FMR1NB: variants seen among roughly 807,000 people sequenced by gnomAD.
FMR1NB encodes the protein FMR1 neighbor protein.
In FMR1NB, 10 loss-of-function variants were observed where a neutral mutation model predicts 16.8. The observed-to-expected ratio is 0.60, with a 90% CI of 0.37 to 1.01. The LOEUF (loss-of-function observed/expected upper bound fraction) is 1.01. Among genes scored for constraint, FMR1NB ranks in the 50% least tolerant of loss-of-function variants. FMR1NB has a pLI of 0.01. For missense variants in FMR1NB, 205 were observed against 204.8 expected (o/e 1.00, Z 0.00); for synonymous variants, 83 against 79.1 (o/e 1.05, Z -0.26).
Position 148,006,814 on chromosome X carries a change from C to T in FMR1NB, c.510C>T (p.Ser170=), listed in dbSNP as rs371265990. The part of the protein sequence containing the change: ...KCCFSSSGTT[S]FKCFAPFRDV... ...GTTTTTCATCATCGGGGACCACGAG[C>T]TTCAAATGTTTTGCTCCATTTAGAG... Residue 170 remains serine, a synonymous_variant, in exon 3 of 6, where the codon AGC becomes AGT. Coordinates refer to ENST00000370467, the MANE Select transcript of FMR1NB (RefSeq NM_152578.3). 7.4e-5 allele frequency: 89 copies of T among 1,208,342 alleles called. No homozygotes were observed. The highest frequency in any genetic ancestry group is 9.7e-5 in the Non-Finnish European group (87 of 894,632).
chrX:148,006,581 C>G lies in FMR1NB; in HGVS notation c.398-121C>G, dbSNP rs2044597326. 4.3e-6 allele frequency: 3 copies of G among 697,805 alleles called. No individual in the cohort carries two copies. The East Asian group carries it at 1.0e-4, about 24-fold the overall frequency. The allele number at this position is 697,805 out of a possible 1,213,427, so 57.5% of individuals were successfully genotyped here. ...AGTCTTATTTTCTTTTAGCACCCATCATTAGCTGTATATGCCATTAAATGT... is the reference window on the plus strand; with the variant it reads ...AGTCTTATTTTCTTTTAGCACCCATGATTAGCTGTATATGCCATTAAATGT... On this transcript the variant is annotated intron_variant, in intron 2 of 5. Transcript: ENST00000370467.
At chrX:147,993,419 C>T (rs902508319) in intron 1 of FMR1NB, among the ~76,000 whole-genome samples, 7 of 87,547 alleles carry the variant, frequency 8.0e-5, no homozygotes, top group African/African-American at 3.2e-4. Context: ...GGAGAGGGGC[C>T]TTCCTTCTTT....
At chrX:148,013,086 A>G (rs186296329) in intron 4 of FMR1NB, among the ~76,000 whole-genome samples, 18 of 111,607 alleles carry the variant, frequency 1.6e-4, no homozygotes, top group Admixed American at 2.8e-4. Flanking sequence ...ATGAGTCACT[A>G]TAGGTTTGAA....
chrX:148,020,766 A>G (rs1199135332), intron 4 of FMR1NB, among the ~76,000 whole-genome samples: 1 of 111,736 alleles, frequency 8.9e-6, no homozygotes, highest in Non-Finnish European at 1.9e-5. Context: ...TCCAAGATGT[A>G]AGACAAAGTC....
intron 1 of FMR1NB, among the ~76,000 whole-genome samples, chrX:147,989,999 C>A (rs1557187445): frequency 9.8e-6 from 1 of 102,128 alleles, no homozygotes; most frequent in Non-Finnish European, 2.0e-5. Flanking sequence ...GGGGAGTGAA[C>A]AGTTCTGTCT....
chrX:148,008,815 G>T, intron 4 of FMR1NB, 104 bp downstream of exon 4: 8 of 689,345 alleles, frequency 1.2e-5, no homozygotes, highest in Non-Finnish European at 1.7e-5. Flanking sequence ...ATTATGTTTG[G>T]GTTCTTTATG....
chrX:148,009,176 T>C (rs180704276), intron 4 of FMR1NB, among the ~76,000 whole-genome samples: 1 of 111,399 alleles, frequency 9.0e-6, no homozygotes, highest in Non-Finnish European at 1.9e-5. Flanking sequence ...AGAGTGAAAA[T>C]ACGTCTCAAA....
chrX:147,983,802 G>T (rs1557186857), intron 1 of FMR1NB, among the ~76,000 whole-genome samples: 1 of 111,841 alleles, frequency 8.9e-6, no homozygotes, highest in African/African-American at 3.3e-5. Context: ...AGAATCCGTT[G>T]CCAGATCCAA....
chrX:147,998,350 A>G (rs781942442), intron 1 of FMR1NB, among the ~76,000 whole-genome samples: 3 of 110,691 alleles, frequency 2.7e-5, no homozygotes, highest in African/African-American at 1.0e-4. Context: ...AAACTAACAC[A>G]GGGACAGAAA....
intron 5 of FMR1NB, among the ~76,000 whole-genome samples, chrX:148,026,268 C>A (rs1440773039): frequency 1.8e-5 from 2 of 111,111 alleles, no homozygotes; most frequent in African/African-American, 6.5e-5. Context: ...TGGAAGTTAA[C>A]TTTGTTATTC....
chrX:148,003,227 G>C lies in FMR1NB; in HGVS notation c.304G>C (p.Gly102Arg). The change falls in exon 2 of 6, where the codon GGA becomes CGA. Residue 102 changes from glycine to arginine, a missense_variant. Physicochemically the swap from Gly to Arg is moderately radical, Grantham distance 125. Coordinates refer to ENST00000370467, the MANE Select transcript of FMR1NB (RefSeq NM_152578.3). ...SGSSYFVLAN[G>R]HILPNSENAH... The stretch of plus-strand genomic sequence containing the variant: ...GTCCTCATATTTTGTGCTTGCAAAT[G>C]GACATATCCTGCCCAACAGTGAAAA... 1 of 1,208,750 alleles carries C rather than the reference G, an allele frequency of 8.3e-7. No individual in the cohort carries two copies. Among genetic ancestry groups the C allele is most frequent in the Non-Finnish European group, 1.1e-6 (1 of 893,407 alleles).
At chrX:147,993,395 G>GAGGAGA (rs782184878) in intron 1 of FMR1NB, among the ~76,000 whole-genome samples, 2 of 107,816 alleles carry the variant, frequency 1.9e-5, no homozygotes, top group Non-Finnish European at 1.9e-5. Flanking sequence ...GGGAGACCGT[G>GAGGAGA]GGGAGAGGGA....
chrX:147,989,992 G>A (rs1465481098), intron 1 of FMR1NB, among the ~76,000 whole-genome samples: 1 of 108,538 alleles, frequency 9.2e-6, no homozygotes. Flanking sequence ...CTTTCCAGGG[G>A]AGTGAACAGT....
intron 4 of FMR1NB, among the ~76,000 whole-genome samples, chrX:148,019,071 G>A (rs782458444): frequency 2.5e-4 from 28 of 111,857 alleles, no homozygotes; most frequent in African/African-American, 9.1e-4. Context: ...ATGTTTCATT[G>A]TTTTCTTTTT....
In FMR1NB at chrX:148,003,247, T is replaced by C. The variant is rs1557188796; in HGVS notation, c.324T>C (p.Ser108=). 8.3e-7 allele frequency: 1 copy of C among 1,209,400 alleles called. No homozygotes were observed. The highest frequency in any genetic ancestry group is 1.7e-5 in the African/African-American group (1 of 57,347). ...CAAATGGACATATCCTGCCCAACAG[T>C]GAAAATGCTCATGGCCAATCTCTGG... is the stretch of plus-strand genomic sequence containing the variant. ...VLANGHILPN[S]ENAHGQSLEE... Residue 108 remains serine (S), a synonymous_variant, in exon 2 of 6, where the codon AGT becomes AGC. Coordinates refer to ENST00000370467, the MANE Select transcript of FMR1NB (RefSeq NM_152578.3).
rs2044598376 is a variant in FMR1NB at position 148,006,759 on chromosome X, G to C, written c.455G>C (p.Ser152Thr). ...AKPCNELQDL[S>T]ESECLRHKCC... ...CCTTGTAATGAGCTGCAAGATCTTA[G>C]TGAGAGTGAATGTTTGAGACACAAA... Residue 152 changes from serine (S) to threonine (T), a missense_variant, in exon 3 of 6, where the codon AGT becomes ACT. Ser to Thr is a moderately conservative substitution (Grantham distance 58). Coordinates refer to ENST00000370467, the MANE Select transcript of FMR1NB (RefSeq NM_152578.3). 1 of 1,208,973 alleles carries C rather than the reference G, an allele frequency of 8.3e-7. No homozygotes were observed. Among genetic ancestry groups the C allele is most frequent in the Non-Finnish European group, 1.1e-6 (1 of 894,377 alleles).
intron 4 of FMR1NB, among the ~76,000 whole-genome samples, chrX:148,021,818 G>A (rs1197922915): frequency 9.1e-6 from 1 of 109,383 alleles, no homozygotes; most frequent in African/African-American, 3.3e-5. Context: ...TGCTGAACCT[G>A]TTCTTTAACA....
chrX:147,992,167 T>A (rs1260885744), intron 1 of FMR1NB, among the ~76,000 whole-genome samples: 2 of 109,264 alleles, frequency 1.8e-5, no homozygotes, highest in Non-Finnish European at 3.8e-5. Flanking sequence ...CTCAATGAGC[T>A]GTTGGGCACA....
chrX:148,006,460 A>G (rs782694375), intron 2 of FMR1NB, among the ~76,000 whole-genome samples: 4 of 112,401 alleles, frequency 3.6e-5, no homozygotes, highest in Non-Finnish European at 5.6e-5. Context: ...CTTTTAAACT[A>G]TCTTACCAAA....
Sources: allele counts gnomAD v4.1 joint callset (sites outside exome capture counted in the v4.1 genomes callset), GRCh38; gene constraint gnomAD v4.1.1; transcripts MANE v1.5; gene names NCBI Gene and HGNC (gene_info 2026-07-23, HGNC 2026-07-21).